LAMA5: variants seen among roughly 807,000 people sequenced by gnomAD.
The protein encoded by LAMA5 is laminin subunit alpha-5.
A neutral mutation model predicts 433.4 loss-of-function variants in LAMA5; 260 were observed. The observed-to-expected ratio is 0.60, with a 90% CI of 0.54 to 0.66. LAMA5 has a LOEUF of 0.66. LAMA5 is among the 30% of genes least tolerant of loss of function. The probability of loss-of-function intolerance (pLI) is 0.00; values close to 1 mark genes in which losing one functional copy is unlikely to be tolerated. For missense variants in LAMA5, 5,378 were observed against 5,258.5 expected (o/e 1.02, Z -0.70); for synonymous variants, 2,620 against 2,226.6 (o/e 1.18, Z -4.97).
intron 6 of LAMA5, among the ~76,000 whole-genome samples, chr20:62,349,578 G>A (rs924543882): frequency 5.4e-5 from 7 of 129,386 alleles, no homozygotes; most frequent in Non-Finnish European, 3.2e-5. Context: ...AGACAATTCC[G>A]GATAGACTGT....
At chr20:62,320,448 C>T in intron 50 of LAMA5, 111 bp downstream of exon 50, 1 of 783,366 alleles carries the variant, frequency 1.3e-6, no homozygotes, top group Non-Finnish European at 2.1e-6. Context: ...CTGTCCCCTG[C>T]ACTGACACAT....
chr20:62,367,131 C>T lies in LAMA5; in HGVS notation c.115G>A (p.Ala39Thr). The change falls in exon 1 of 80, where the codon GCG becomes ACG. Residue 39 changes from alanine (A) to threonine (T), a missense_variant. Ala to Thr is a moderately conservative substitution (Grantham distance 58). Transcript: ENST00000252999. ...GGGTGCAGGCTGAAGCCGCCGCCCG[C>T]CTCCTCCCGCGCCCGCGCCGCGCCC... ...LLGAARAREE[A>T]GGGFSLHPPY... 1.6e-6 allele frequency: 2 copies of T among 1,273,478 alleles called. No homozygotes were observed. The highest frequency in any genetic ancestry group is 2.0e-6 in the Non-Finnish European group (2 of 1,013,216). The allele number at this position is 1,273,478 out of a possible 1,614,324, so 78.9% of individuals were successfully genotyped here. A position where few individuals can be genotyped will look rare whatever the true frequency, so the allele number is the denominator to read the frequency against.
chr20:62,316,267 A>C, intron 57 of LAMA5: 1 of 593,400 alleles, frequency 1.7e-6, no homozygotes, highest in Non-Finnish European at 3.0e-6. Context: ...GTCCCACTGC[A>C]GGCATAGCTG....
At chr20:62,352,679 G>A (rs1601411111) in intron 3 of LAMA5, among the ~76,000 whole-genome samples, 2 of 152,280 alleles carry the variant, frequency 1.3e-5, no homozygotes, top group African/African-American at 4.8e-5. Flanking sequence ...AATTTTGGGG[G>A]ACACGTGACC....
At position 62,313,675 on chromosome 20, in the gene LAMA5, C is replaced by T. The variant is rs781399712; in HGVS notation, c.8632G>A (p.Val2878Ile). The T allele has an allele frequency of 5.8e-5, 93 of 1,612,798 alleles. 1 individual carries two copies. The highest frequency in any genetic ancestry group is 2.0e-4 in the South Asian group (18 of 91,082). Residue 2878 changes from valine to isoleucine, a missense_variant, in exon 63 of 80, where the codon GTC becomes ATC. Coordinates refer to ENST00000252999, the MANE Select transcript of LAMA5 (RefSeq NM_005560.6). ...GTGAAGGTACTGGGGTACCCCCCGA[C>T]GTAGAAGACGAAGTCGTCTGGCCGC... ...NLRPDDFVFY[V>I]GGYPSTFTPP... is the part of the protein sequence containing the mutation.
rs962937360 is a variant in LAMA5 at position 62,364,028 on chromosome 20, C to G, written c.298-1476G>C. Among the ~76,000 whole-genome samples, 37 of 152,310 alleles carry G rather than the reference C, an allele frequency of 2.4e-4. 1 individual carries two copies. Among genetic ancestry groups the G allele is most frequent in the Middle Eastern group, 3.4e-3 (1 of 294 alleles). Reference sequence around the variant, plus strand: ...GAGACCTGGAATTATCTGGGGGCCTCCCCGGGGTCCCCCAGAGCTCTGCAG... The same window carrying G: ...GAGACCTGGAATTATCTGGGGGCCTGCCCGGGGTCCCCCAGAGCTCTGCAG... On this transcript the variant is annotated intron_variant, in intron 1 of 79. Coordinates refer to ENST00000252999, the MANE Select transcript of LAMA5 (RefSeq NM_005560.6).
At chr20:62,347,106 C>A (rs987730454) in intron 6 of LAMA5, 78 bp from the exon 7 acceptor site, 3 of 1,076,306 alleles carry the variant, frequency 2.8e-6, no homozygotes, top group African/African-American at 1.5e-5. Context: ...CCTGAAGGGG[C>A]CTGTGATCCC....
At chr20:62,362,868 TA>T (rs1481544387) in intron 1 of LAMA5, among the ~76,000 whole-genome samples, 3 of 103,808 alleles carry the variant, frequency 2.9e-5, no homozygotes, top group African/African-American at 4.5e-5. Flanking sequence ...CACTACGTGG[TA>T]AGGGGGGGGG....
At position 62,314,810 on chromosome 20, in the gene LAMA5, C is replaced by T; in HGVS notation, c.8185G>A (p.Ala2729Thr). Residue 2729 changes from alanine (A) to threonine (T), a missense_variant, in exon 60 of 80, where the codon GCT becomes ACT. By Grantham distance (58) the Ala-to-Thr change is moderately conservative. Coordinates refer to ENST00000252999, the MANE Select transcript of LAMA5 (RefSeq NM_005560.6). ...GGACTCTCACCCACCTTACTGGCAGCCCCCCGGGCCTGGGCAATGAGCTCT... is the reference window on the plus strand; with the variant it reads ...GGACTCTCACCCACCTTACTGGCAGTCCCCCGGGCCTGGGCAATGAGCTCT... ...VRELIAQARG[A>T]ASKVKVPMKF... The T allele has an allele frequency of 6.2e-7, 1 of 1,612,782 alleles. No homozygotes were observed. The highest frequency in any genetic ancestry group is 2.2e-5 in the East Asian group (1 of 44,874).
rs1601427094 is a variant in LAMA5, at chr20:62,359,284, A to G, written c.450+3116T>C. Among the ~76,000 whole-genome samples the G allele has an allele frequency of 6.6e-6, 1 of 152,166 alleles. No homozygotes were observed. The highest frequency in any genetic ancestry group is 1.9e-4 in the East Asian group (1 of 5,148). ...CCACCCAGGGGCCGACTGGAGAGGGAGGGGACACAGGCCAGAGCCAGCCCC... is the reference window on the plus strand; with the variant it reads ...CCACCCAGGGGCCGACTGGAGAGGGGGGGGACACAGGCCAGAGCCAGCCCC... On this transcript the variant is annotated intron_variant, in intron 2 of 79. Transcript: ENST00000252999. The surrounding 1 kb of genome is among the most constrained non-coding windows in gnomAD (Gnocchi z 4.3).
chr20:62,327,269 C>A lies in LAMA5; in HGVS notation c.5076G>T (p.Leu1692=). The A allele has an allele frequency of 6.4e-7, 1 of 1,556,900 alleles. No homozygotes were observed. Among genetic ancestry groups the A allele is most frequent in the Admixed American group, 1.9e-5 (1 of 52,800 alleles). ...GGTAGGAGGGTGGGGCCTGCCAGTA[C>A]AGCTCGGGGAAAGCCTCGGGCACAG... ...PEAVPEAFPE[L]YWQAPPSYLG... is the part of the protein sequence containing the mutation. The change falls in exon 38 of 80, where the codon CTG becomes CTT. Residue 1692 remains leucine, a synonymous_variant. Coordinates refer to ENST00000252999, the MANE Select transcript of LAMA5 (RefSeq NM_005560.6).
intron 50 of LAMA5, 131 bp from the exon 51 acceptor site, chr20:62,319,926 T>C (rs1987490733): frequency 1.8e-6 from 1 of 570,634 alleles, no homozygotes; most frequent in South Asian, 2.2e-5. Flanking sequence ...AACTCTCTTA[T>C]CTGATGACTT....
In LAMA5 at chr20:62,311,396, C is replaced by T. The variant is rs772819430; in HGVS notation, c.9942+5G>A. On this transcript the variant is annotated splice_donor_5th_base_variant and intron_variant, in intron 72 of 79. Transcript: ENST00000252999. ...GCTCTGCCTGCTCACCCCTGGGGTGCCCACCTTCCGGGCGGTGGCCTGCAG... is the reference window on the plus strand; with the variant it reads ...GCTCTGCCTGCTCACCCCTGGGGTGTCCACCTTCCGGGCGGTGGCCTGCAG... 1.9e-6 allele frequency: 3 copies of T among 1,552,186 alleles called. No homozygotes were observed. Among genetic ancestry groups the T allele is most frequent in the African/African-American group, 2.7e-5 (2 of 73,484 alleles).
At chr20:62,320,458 T>C (rs1251216350) in intron 50 of LAMA5, 101 bp downstream of exon 50, 1 of 859,922 alleles carries the variant, frequency 1.2e-6, no homozygotes, top group Non-Finnish European at 1.8e-6. Flanking sequence ...CACTGACACA[T>C]GTACGAGGCA....
At position 62,315,711 on chromosome 20, in the gene LAMA5, A is replaced by C. The variant is rs6062212; in HGVS notation, c.7867+237T>G. Among the ~76,000 whole-genome samples the C allele has an allele frequency of 0.99, 151,155 of 152,276 alleles. 75,035 individuals carry two copies. Among genetic ancestry groups the C allele is most frequent in the Middle Eastern group, 1 (294 of 294 alleles). On this transcript the variant is annotated intron_variant, in intron 58 of 79. Coordinates refer to ENST00000252999, the MANE Select transcript of LAMA5 (RefSeq NM_005560.6). ...AAGGCCTACAGCCCTCCCACCTATAACTCCATTTCTACCCAAAGCACTTCC... is the reference window on the plus strand; with the variant it reads ...AAGGCCTACAGCCCTCCCACCTATACCTCCATTTCTACCCAAAGCACTTCC...
chr20:62,310,108 G>T, intron 77 of LAMA5, 27 bp from the exon 78 acceptor site: 1 of 1,610,960 alleles, frequency 6.2e-7, no homozygotes, highest in Non-Finnish European at 8.5e-7. Context: ...GGAGGGTCAG[G>T]CTATGCCCCC....
At chr20:62,344,061 T>C (rs1273522217) in intron 11 of LAMA5, among the ~76,000 whole-genome samples, 1 of 151,364 alleles carries the variant, frequency 6.6e-6, no homozygotes, top group Non-Finnish European at 1.5e-5. Context: ...GAAGAATCGT[T>C]TGAACCTGGG....
At chr20:62,343,216 G>C (rs767746885) in intron 11 of LAMA5, among the ~76,000 whole-genome samples, 4 of 152,074 alleles carry the variant, frequency 2.6e-5, no homozygotes, top group East Asian at 3.9e-4. Flanking sequence ...TTACCGTCTG[G>C]GCCTTTTCCG....
At chr20:62,339,413 T>G (rs566721773) in intron 11 of LAMA5, among the ~76,000 whole-genome samples, 1 of 151,908 alleles carries the variant, frequency 6.6e-6, no homozygotes, top group African/African-American at 2.4e-5. Flanking sequence ...AATTTTTGTA[T>G]TTTTAGTAGA....
Sources: allele counts gnomAD v4.1 joint callset (sites outside exome capture counted in the v4.1 genomes callset), GRCh38; gene constraint gnomAD v4.1.1; non-coding constraint Gnocchi (gnomAD v3.1); transcripts MANE v1.5; gene names NCBI Gene and HGNC (gene_info 2026-07-23, HGNC 2026-07-21).